ACO1: variants seen among roughly 807,000 people sequenced by gnomAD.
ACO1 encodes aconitase 1, also known as cytoplasmic aconitate hydratase.
A neutral mutation model predicts 105.1 loss-of-function variants in ACO1; 78 were observed. That is an observed-to-expected ratio of 0.74 (90% CI 0.62 to 0.90). ACO1 has a LOEUF of 0.90. Ranked by LOEUF, ACO1 falls within the 40% of genes least tolerant of loss-of-function variation. The pLI, the probability that ACO1 is intolerant of heterozygous loss-of-function variation, is 0.00. For missense variants in ACO1, 965 were observed against 1,111.1 expected (o/e 0.87, Z 1.87); for synonymous variants, 364 against 397.4 (o/e 0.92, Z 1.00).
Position 32,419,195 on chromosome 9 carries a change from C to A in ACO1, c.798+18C>A, listed in dbSNP as rs373038131. 3.9e-6 allele frequency: 6 copies of A among 1,540,188 alleles called. No homozygotes were observed. In the Admixed American group the frequency reaches 1.2e-4, roughly 30 times the overall value. On this transcript the variant is annotated intron_variant, in intron 7 of 20. Transcript: ENST00000309951. ...TTACCAAGGTAACAATGTGCATCCT[C>A]TTCTGTGGTCTTGGAAAGCCACAAT...
Position 32,449,981 on chromosome 9 carries a change from G to T in ACO1, c.2557-17G>T. On this transcript the variant is annotated splice_polypyrimidine_tract_variant and intron_variant, in intron 20 of 20. Transcript: ENST00000309951. ...CGCCACCTCCCTCAATGATGCTTCT[G>T]TTTCTTTGTGCCACAGCTGGATACT... 1 of 1,608,238 alleles carries T rather than the reference G, an allele frequency of 6.2e-7. No homozygotes were observed. Among genetic ancestry groups the T allele is most frequent in the Non-Finnish European group, 8.5e-7 (1 of 1,174,926 alleles).
At chr9:32,435,898 T>C in intron 17 of ACO1, 1 of 384,062 alleles carries the variant, frequency 2.6e-6, no homozygotes, top group African/African-American at 2.1e-5. Flanking sequence ...TTCCATTTTC[T>C]CACTTATTTT....
At position 32,450,962 on chromosome 9, in the gene ACO1, A is replaced by G. The variant is rs990441229; in HGVS notation, c.*851A>G. The stretch of plus-strand genomic sequence containing the variant: ...CATATTCTCCCATTTTTACAACTCT[A>G]TCAGAACTGTACGGGTATAACGGAA... On this transcript the variant is annotated 3_prime_UTR_variant, in exon 21 of 21. Transcript: ENST00000309951. 7.2e-6 allele frequency: 1 copy of G among 138,706 alleles called. No homozygotes were observed. The highest frequency in any genetic ancestry group is 1.5e-5 in the Non-Finnish European group (1 of 67,624). The allele number at this position is 138,706 out of a possible 1,614,324, so 8.6% of individuals were successfully genotyped here.
chr9:32,395,070 G>A (rs1481206772), intron 1 of ACO1, among the ~76,000 whole-genome samples: 6 of 152,186 alleles, frequency 3.9e-5, no homozygotes, highest in African/African-American at 1.4e-4. Flanking sequence ...GAGTTCAGGA[G>A]CCTGAGGAAA....
chr9:32,427,544 T>C, intron 12 of ACO1, 108 bp downstream of exon 12: 1 of 1,451,700 alleles, frequency 6.9e-7, no homozygotes, highest in Non-Finnish European at 9.5e-7. Flanking sequence ...GATATCTAAT[T>C]GCATAGTCGT....
At chr9:32,438,946 G>A (rs1822420246) in intron 18 of ACO1, among the ~76,000 whole-genome samples, 1 of 152,220 alleles carries the variant, frequency 6.6e-6, no homozygotes, top group Admixed American at 6.5e-5. Context: ...AATACCTAGA[G>A]ATACACAGGC....
At chr9:32,415,520 C>T (rs1821828666) in intron 4 of ACO1, among the ~76,000 whole-genome samples, 1 of 152,152 alleles carries the variant, frequency 6.6e-6, no homozygotes, top group South Asian at 2.1e-4. Context: ...TCTTGGTGCG[C>T]ATGCCCGAAA....
chr9:32,448,283 T>G (rs1227237439), intron 19 of ACO1, among the ~76,000 whole-genome samples: 1 of 152,202 alleles, frequency 6.6e-6, no homozygotes, highest in Non-Finnish European at 1.5e-5. Context: ...CTTGCTGAGC[T>G]GCGGTGGGCT....
chr9:32,424,627 G>A lies in ACO1; in HGVS notation c.1150G>A (p.Asp384Asn), dbSNP rs924145609. 6.2e-6 allele frequency: 10 copies of A among 1,614,010 alleles called. No homozygotes were observed. Among genetic ancestry groups the A allele is most frequent in the Middle Eastern group, 3.3e-4 (2 of 6,058 alleles). ...KRPQDKVAVSDMKKDFESCLG... is the reference protein window; with the variant it reads ...KRPQDKVAVSNMKKDFESCLG... Reference sequence around the variant, plus strand: ...GCCTCAGGACAAAGTTGCTGTGTCCGACATGAAAAAGGACTTTGAGAGCTG... The same window carrying A: ...GCCTCAGGACAAAGTTGCTGTGTCCAACATGAAAAAGGACTTTGAGAGCTG... Residue 384 changes from aspartate to asparagine, a missense_variant, in exon 10 of 21, where the codon GAC (aspartate) becomes AAC (asparagine). Coordinates refer to ENST00000309951, the MANE Select transcript of ACO1 (RefSeq NM_002197.3).
At chr9:32,427,111 T>C (rs1194226601) in intron 11 of ACO1, among the ~76,000 whole-genome samples, 190 bp from the exon 12 acceptor site, 1 of 152,206 alleles carries the variant, frequency 6.6e-6, no homozygotes, top group Non-Finnish European at 1.5e-5. Flanking sequence ...TATATCTAAA[T>C]GACCGTTGGC....
At chr9:32,413,999 A>C (rs1291008582) in intron 4 of ACO1, among the ~76,000 whole-genome samples, 4 of 152,094 alleles carry the variant, frequency 2.6e-5, no homozygotes, top group Non-Finnish European at 5.9e-5. Flanking sequence ...AATACAAAAA[A>C]TTAACTGGGT....
intron 4 of ACO1, among the ~76,000 whole-genome samples, chr9:32,411,793 G>T (rs1821744615): frequency 6.6e-6 from 1 of 152,170 alleles, no homozygotes; most frequent in African/African-American, 2.4e-5. Flanking sequence ...GAGGATTAAA[G>T]CAATATGTGT....
intron 4 of ACO1, among the ~76,000 whole-genome samples, chr9:32,414,206 A>G (rs1821802370): frequency 6.6e-6 from 1 of 152,238 alleles, no homozygotes; most frequent in African/African-American, 2.4e-5. Flanking sequence ...TGTGAAAACT[A>G]TCTCCATGTT....
chr9:32,452,550 T>C lies in ACO1; in HGVS notation c.*2439T>C, dbSNP rs1440471653. The C allele has an allele frequency of 6.6e-5, 10 of 152,216 alleles. No homozygotes were observed. The highest frequency in any genetic ancestry group is 6.5e-4 in the Admixed American group (10 of 15,272). The allele number at this position is 152,216 out of a possible 1,614,324, so 9.4% of individuals were successfully genotyped here. ...TTTCTATTGTTTATAAGCCACCCAG[T>C]TGATATTTAGTTACAGCAGCCCAAC... On this transcript the variant is annotated 3_prime_UTR_variant, in exon 21 of 21. Transcript: ENST00000309951.
At chr9:32,391,791 T>C (rs760786604) in intron 1 of ACO1, among the ~76,000 whole-genome samples, 2 of 152,164 alleles carry the variant, frequency 1.3e-5, no homozygotes, top group Admixed American at 6.5e-5. Flanking sequence ...GATTACCAGG[T>C]TTGAATTTTT....
chr9:32,404,919 A>G (rs1396485328), intron 1 of ACO1, among the ~76,000 whole-genome samples: 4 of 152,248 alleles, frequency 2.6e-5, no homozygotes, highest in African/African-American at 4.8e-5. Flanking sequence ...AGAACCCTGG[A>G]TAATTCTAAT....
rs751190138 is a variant in ACO1 at position 32,405,572 on chromosome 9, C to A, written c.66C>A (p.Phe22Leu). 1.3e-5 allele frequency: 21 copies of A among 1,613,472 alleles called. No homozygotes were observed. The highest frequency in any genetic ancestry group is 1.8e-5 in the Non-Finnish European group (21 of 1,179,746). Residue 22 changes from phenylalanine to leucine, a missense_variant, in exon 2 of 21, where the codon TTC (phenylalanine) becomes TTA (leucine). Transcript: ENST00000309951. ...CTGTACAACCAGGAAAGAAATTCTT[C>A]AATTTGAATAAATTGGAGGATTCAA... ...LDPVQPGKKF[F>L]NLNKLEDSRY...
intron 14 of ACO1, among the ~76,000 whole-genome samples, chr9:32,431,305 G>A (rs955295791): frequency 1.3e-5 from 2 of 152,124 alleles, no homozygotes; most frequent in African/African-American, 4.8e-5. Flanking sequence ...CTTGGTCTAC[G>A]TAGTGCCATG....
In ACO1 at chr9:32,431,771, A is replaced by G; in HGVS notation, c.1779A>G (p.Arg593=). The G allele has an allele frequency of 1.2e-6, 2 of 1,614,146 alleles. No individual in the cohort carries two copies. Among genetic ancestry groups the G allele is most frequent in the Non-Finnish European group, 8.5e-7 (1 of 1,180,014 alleles). The change falls in exon 15 of 21, where the codon AGA becomes AGG. Residue 593 remains arginine, a synonymous_variant. Transcript: ENST00000309951. ...TTCTGAAAGATATCTGGCCGACTAG[A>G]GACGAGATCCAGGCAGTGGAGCGTC... ...QVFLKDIWPT[R]DEIQAVERQY... is the part of the protein sequence containing the mutation.
Sources: gnomAD v4.1 joint callset for allele counts (sites outside exome capture counted in the v4.1 genomes callset) on GRCh38, gnomAD v4.1.1 for gene constraint, MANE v1.5 for transcripts, NCBI Gene and HGNC (gene_info 2026-07-23, HGNC 2026-07-21) for gene names.